Variants in DOCK2 observed in about 807,000 individuals in gnomAD.
The protein encoded by DOCK2 is dedicator of cytokinesis protein 2.
In DOCK2, 87 loss-of-function variants were observed where a neutral mutation model predicts 248.9. The observed-to-expected ratio is 0.35, with a 90% CI of 0.29 to 0.42. The LOEUF is 0.42. Ranked by LOEUF, DOCK2 falls within the 10% of genes least tolerant of loss-of-function variation. DOCK2 has a pLI of 1.00. For synonymous variants in DOCK2, 805 were observed against 821.6 expected (o/e 0.98, Z 0.35); for missense variants, 1,747 against 2,300.2 (o/e 0.76, Z 4.92).
At chr5:169,829,841 C>CT (rs1769110792) in intron 26 of DOCK2, among the ~76,000 whole-genome samples, 1 of 152,028 alleles carries the variant, frequency 6.6e-6, no homozygotes. Flanking sequence ...TTAGAGCCTG[C>CT]TTTTTTGTCT....
In DOCK2 at chr5:169,747,434, C is replaced by A; in HGVS notation, c.2306C>A (p.Ser769Tyr). 6.2e-7 allele frequency: 1 copy of A among 1,613,680 alleles called. No homozygotes were observed. Among genetic ancestry groups the A allele is most frequent in the Non-Finnish European group, 8.5e-7 (1 of 1,179,766 alleles). ...AAAGAACAGATGGAGTTTGAAGAAT[C>A]CATGAGACGGCTCTTTGAATCCATC... Reference protein sequence around the residue: ...EGKEQMEFEESMRRLFESINN... With the variant: ...EGKEQMEFEEYMRRLFESINN... Residue 769 changes from serine (S) to tyrosine (Y), a missense_variant, in exon 23 of 52, where the codon TCC (serine) becomes TAC (tyrosine). Ser to Tyr is a moderately radical substitution (Grantham distance 144). Transcript: ENST00000520908.
At chr5:169,819,465 TA>T (rs982132255) in intron 26 of DOCK2, among the ~76,000 whole-genome samples, 1 of 151,716 alleles carries the variant, frequency 6.6e-6, no homozygotes, top group Non-Finnish European at 1.5e-5. Flanking sequence ...TACAAAAAAT[TA>T]AAAAATTAGC....
chr5:169,872,486 A>G (rs1284100565), intron 27 of DOCK2, among the ~76,000 whole-genome samples: 4 of 152,152 alleles, frequency 2.6e-5, no homozygotes, highest in Non-Finnish European at 5.9e-5. Context: ...AGCTATTTCA[A>G]ATTGGCAAGT....
intron 7 of DOCK2, among the ~76,000 whole-genome samples, chr5:169,683,400 T>TC (rs1388604929): frequency 6.6e-6 from 1 of 151,224 alleles, no homozygotes; most frequent in Non-Finnish European, 1.5e-5. Context: ...TGGCTAATTT[T>TC]TTTTATTTTC....
chr5:169,927,500 T>C (rs936916559), intron 27 of DOCK2, among the ~76,000 whole-genome samples: 3 of 152,172 alleles, frequency 2.0e-5, no homozygotes, highest in African/African-American at 7.2e-5. Context: ...AGAAGGATGT[T>C]TCATATAATT....
chr5:170,028,288 C>G (rs995706364), intron 34 of DOCK2, among the ~76,000 whole-genome samples: 1 of 152,094 alleles, frequency 6.6e-6, no homozygotes, highest in African/African-American at 2.4e-5. Flanking sequence ...TTGGTCATGC[C>G]CTACGTTTAC....
chr5:169,663,900 T>C (rs1758582887), intron 2 of DOCK2, among the ~76,000 whole-genome samples: 1 of 152,248 alleles, frequency 6.6e-6, no homozygotes, highest in African/African-American at 2.4e-5. Context: ...TTGTTACTTA[T>C]ATAAATTTCT....
At chr5:170,025,780 C>CT (rs1755883218) in intron 33 of DOCK2, among the ~76,000 whole-genome samples, 1 of 129,636 alleles carries the variant, frequency 7.7e-6, no homozygotes, top group Non-Finnish European at 1.6e-5. Context: ...CCCTCCCTCC[C>CT]TCCTTCCCTC....
intron 25 of DOCK2, among the ~76,000 whole-genome samples, chr5:169,788,722 T>C (rs1177573254): frequency 6.6e-6 from 1 of 152,236 alleles, no homozygotes; most frequent in East Asian, 1.9e-4. Context: ...GAAATACTTA[T>C]AACTAATAAT....
At chr5:169,985,652 G>A (rs1778050528) in intron 28 of DOCK2, among the ~76,000 whole-genome samples, 176 bp from the exon 29 acceptor site, 1 of 152,054 alleles carries the variant, frequency 6.6e-6, no homozygotes, top group East Asian at 1.9e-4. Flanking sequence ...ACTGACATTT[G>A]GGAAACAGCA....
chr5:169,795,688 C>G (rs1023294323), intron 25 of DOCK2, among the ~76,000 whole-genome samples: 16 of 152,260 alleles, frequency 1.1e-4, no homozygotes, highest in Non-Finnish European at 2.2e-4. Flanking sequence ...AGAATCATGT[C>G]TATGGAGATC....
intron 26 of DOCK2, among the ~76,000 whole-genome samples, chr5:169,821,740 A>G (rs975227290): frequency 2.4e-4 from 37 of 152,332 alleles, no homozygotes; most frequent in Non-Finnish European, 4.1e-4. Flanking sequence ...CTAACATCAT[A>G]ATGACAGGAT....
At chr5:170,057,123 CTG>C (rs1757159309) in intron 43 of DOCK2, 1 of 353,748 alleles carries the variant, frequency 2.8e-6, no homozygotes, top group Non-Finnish European at 5.3e-6. Context: ...GTAGTCATCA[CTG>C]TCCCCTGAGT....
At chr5:169,652,261 G>A (rs918734913) in intron 1 of DOCK2, among the ~76,000 whole-genome samples, 1 of 152,228 alleles carries the variant, frequency 6.6e-6, no homozygotes, top group Non-Finnish European at 1.5e-5. Context: ...TCGCAGGTTG[G>A]GTGCCAGCCT....
intron 22 of DOCK2, among the ~76,000 whole-genome samples, chr5:169,726,639 T>C (rs940315070): frequency 6.6e-6 from 1 of 152,230 alleles, no homozygotes; most frequent in East Asian, 1.9e-4. Context: ...TAAATATTTA[T>C]TGGGCACCTA....
chr5:169,729,941 A>C (rs1451697600), intron 22 of DOCK2, among the ~76,000 whole-genome samples: 1 of 151,990 alleles, frequency 6.6e-6, no homozygotes. Flanking sequence ...GGGTTCTGAA[A>C]ATGTGATATT....
In DOCK2 at chr5:169,978,897, T is replaced by C. The variant is rs114723372; in HGVS notation, c.2800-4171T>C. Among the ~76,000 whole-genome samples, 1,122 of 152,316 alleles carry C rather than the reference T, an allele frequency of 7.4e-3. 7 individuals are homozygous for C. Among genetic ancestry groups the C allele is most frequent in the Middle Eastern group, 0.031 (9 of 294 alleles). The stretch of plus-strand genomic sequence containing the variant: ...ATGCTGTGATTCATTAGCCACATTT[T>C]AAACCATCCCAATCGGAGCGAGGTG... On this transcript the variant is annotated intron_variant, in intron 27 of 51. Transcript: ENST00000520908.
intron 29 of DOCK2, among the ~76,000 whole-genome samples, chr5:169,989,618 G>A (rs1778158025): frequency 6.6e-6 from 1 of 152,166 alleles, no homozygotes; most frequent in Admixed American, 6.5e-5. Flanking sequence ...TGAATTTGGA[G>A]CCCAGACAGA....
intron 44 of DOCK2, among the ~76,000 whole-genome samples, chr5:170,064,743 A>G (rs557019679): frequency 5.5e-4 from 84 of 152,298 alleles, no homozygotes; most frequent in African/African-American, 1.8e-3. Context: ...GAAACTAGAA[A>G]TCTAGATCCA....
Sources: gnomAD v4.1 joint callset for allele counts (sites outside exome capture counted in the v4.1 genomes callset) on GRCh38, gnomAD v4.1.1 for gene constraint, MANE v1.5 for transcripts, NCBI Gene and HGNC (gene_info 2026-07-23, HGNC 2026-07-21) for gene names.